Variants in ZNF385D observed in about 807,000 individuals in gnomAD.
ZNF385D encodes the protein zinc finger protein 385D.
Under a neutral mutation model 35.8 loss-of-function variants are expected in ZNF385D, and 15 were observed. The observed-to-expected ratio is 0.42, with a 90% CI of 0.28 to 0.64. The LOEUF (loss-of-function observed/expected upper bound fraction) is 0.64, where lower values mean the gene tolerates loss of function less well. Among genes scored for constraint, ZNF385D ranks in the 30% least tolerant of loss-of-function variants. The pLI is 0.23. For missense variants in ZNF385D, 474 were observed against 494.6 expected, an observed-to-expected ratio of 0.96 and a Z score of 0.39; for synonymous variants, 212 against 186.8, an observed-to-expected ratio of 1.13 and a Z score of -1.10.
intron 4 of ZNF385D, among the ~76,000 whole-genome samples, chr3:21,492,231 T>A (rs2125408572): frequency 6.6e-6 from 1 of 152,222 alleles, no homozygotes; most frequent in African/African-American, 2.4e-5. Flanking sequence ...TCTAAGGTTT[T>A]TAAGTAATGA....
chr3:22,035,168 C>T (rs763041197), intron 3 of ZNF385D, among the ~76,000 whole-genome samples: 2 of 152,128 alleles, frequency 1.3e-5, no homozygotes, highest in African/African-American at 2.4e-5. Flanking sequence ...TGTTAAATCA[C>T]TTGTATCATT....
chr3:21,582,290 A>G (rs974644220), intron 2 of ZNF385D, among the ~76,000 whole-genome samples: 2 of 152,224 alleles, frequency 1.3e-5, no homozygotes, highest in African/African-American at 2.4e-5. Flanking sequence ...CAAGGCAGAA[A>G]TGCATACACA....
chr3:21,788,365 C>G (rs1339527943), intron 3 of ZNF385D, among the ~76,000 whole-genome samples: 1 of 152,044 alleles, frequency 6.6e-6, no homozygotes, highest in Non-Finnish European at 1.5e-5. Context: ...GTAATCCCAG[C>G]TACTTGGGGG....
chr3:21,991,626 A>G (rs1695154692), intron 3 of ZNF385D, among the ~76,000 whole-genome samples: 1 of 152,194 alleles, frequency 6.6e-6, no homozygotes, highest in Non-Finnish European at 1.5e-5. Flanking sequence ...TAATAAGACA[A>G]AGAACTGTAT....
In ZNF385D at chr3:22,138,202, G is replaced by A. The variant is rs1472577336; in HGVS notation, c.325+30615C>T. On this transcript the variant is annotated intron_variant, in intron 3 of 5. Coordinates refer to the ZNF385D transcript ENST00000494108. ...AAATGGAAGAACATTCCATGCTCATGGGTAGGAAGAATCAATATCATGAAA... is the reference window on the plus strand; with the variant it reads ...AAATGGAAGAACATTCCATGCTCATAGGTAGGAAGAATCAATATCATGAAA... 2.6e-5 allele frequency among the ~76,000 whole-genome samples: 4 copies of A among 152,100 alleles called. No homozygotes were observed. The East Asian group carries it at 7.7e-4, about 29-fold the overall frequency.
intron 3 of ZNF385D, among the ~76,000 whole-genome samples, chr3:21,875,333 AATG>A (rs1016851869): frequency 6.6e-6 from 1 of 151,866 alleles, no homozygotes; most frequent in Non-Finnish European, 1.5e-5. Context: ...CATTCCCCTA[AATG>A]TAAATTAGAT....
intron 3 of ZNF385D, among the ~76,000 whole-genome samples, chr3:22,161,127 A>G (rs1405159872): frequency 6.6e-6 from 1 of 152,076 alleles, no homozygotes; most frequent in Non-Finnish European, 1.5e-5. Context: ...TAGAAAACAA[A>G]ATGGCAAATA....
At chr3:22,371,097 G>A (rs1282178983) in intron 2 of ZNF385D, among the ~76,000 whole-genome samples, 1 of 152,244 alleles carries the variant, frequency 6.6e-6, no homozygotes, top group Non-Finnish European at 1.5e-5. Context: ...CGGACATGCT[G>A]TGTTGCATCA....
At chr3:22,157,912 C>A (rs1211143771) in intron 3 of ZNF385D, among the ~76,000 whole-genome samples, 2 of 152,062 alleles carry the variant, frequency 1.3e-5, no homozygotes, top group East Asian at 3.9e-4. Context: ...AAAGTGCCAA[C>A]CTTAACTGGA....
intron 2 of ZNF385D, among the ~76,000 whole-genome samples, chr3:22,265,954 C>A (rs966083132): frequency 4.6e-5 from 7 of 151,852 alleles, no homozygotes; most frequent in Admixed American, 4.6e-4. Context: ...AAACTTGTTT[C>A]TTTTGATTAA....
At chr3:21,495,235 T>C (rs979386183) in intron 4 of ZNF385D, among the ~76,000 whole-genome samples, 1 of 152,240 alleles carries the variant, frequency 6.6e-6, no homozygotes, top group Middle Eastern at 3.4e-3. Context: ...GATTTTTTTT[T>C]TTTCCCACAA....
At chr3:21,438,218 C>T (rs1701671155) in intron 4 of ZNF385D, among the ~76,000 whole-genome samples, 1 of 152,110 alleles carries the variant, frequency 6.6e-6, no homozygotes, top group African/African-American at 2.4e-5. Flanking sequence ...TCCTATCTAC[C>T]CATATACTAC....
intron 3 of ZNF385D, among the ~76,000 whole-genome samples, chr3:21,776,763 A>G (rs2125626150): frequency 6.6e-6 from 1 of 152,064 alleles, no homozygotes; most frequent in Non-Finnish European, 1.5e-5. Context: ...TTTACAAATC[A>G]TAATTACACA....
At chr3:21,713,197 A>G (rs1330815036) in intron 1 of ZNF385D, among the ~76,000 whole-genome samples, 5 of 152,226 alleles carry the variant, frequency 3.3e-5, no homozygotes, top group Non-Finnish European at 7.3e-5. Context: ...CCAACCTCAA[A>G]GGAAGTGCAA....
chr3:21,538,897 C>T (rs191245269), intron 3 of ZNF385D, among the ~76,000 whole-genome samples: 18 of 152,028 alleles, frequency 1.2e-4, no homozygotes, highest in African/African-American at 4.1e-4. Flanking sequence ...CAAATATTGC[C>T]ACTTATGTTG....
intron 2 of ZNF385D, among the ~76,000 whole-genome samples, chr3:22,261,057 ATTAAT>A (rs1216457601): frequency 6.6e-6 from 1 of 151,960 alleles, no homozygotes; most frequent in African/African-American, 2.4e-5. Flanking sequence ...ATGAACTGAA[ATTAAT>A]TTAATCACTG....
intron 2 of ZNF385D, among the ~76,000 whole-genome samples, chr3:21,649,422 C>G (rs148183751): frequency 6.6e-6 from 1 of 152,162 alleles, no homozygotes; most frequent in Non-Finnish European, 1.5e-5. Context: ...AGCAGGATGA[C>G]ATCATGAAAA....
At position 22,110,655 on chromosome 3, in the gene ZNF385D, G is replaced by A. The variant is rs1007915536; in HGVS notation, c.325+58162C>T. On this transcript the variant is annotated intron_variant, in intron 3 of 5. Coordinates refer to the ZNF385D transcript ENST00000494108. ...GCCTGTTGTGGGGTGGGGGGAGTGGGGAGGGACAGCATTTGGAGATACACC... is the reference window on the plus strand; with the variant it reads ...GCCTGTTGTGGGGTGGGGGGAGTGGAGAGGGACAGCATTTGGAGATACACC... Among the ~76,000 whole-genome samples the A allele has an allele frequency of 1.8e-4, 27 of 151,876 alleles. 1 individual carries two copies. Among genetic ancestry groups the A allele is most frequent in the Non-Finnish European group, 3.7e-4 (25 of 67,992 alleles).
intron 2 of ZNF385D, among the ~76,000 whole-genome samples, chr3:22,321,226 C>T (rs1391832057): frequency 3.5e-5 from 4 of 114,754 alleles, no homozygotes; most frequent in East Asian, 2.9e-4. Flanking sequence ...TTACACTTTA[C>T]GACTATCAAC....
Sources: allele counts gnomAD v4.1 joint callset (sites outside exome capture counted in the v4.1 genomes callset), GRCh38; gene constraint gnomAD v4.1.1; transcripts MANE v1.5; gene names NCBI Gene and HGNC (gene_info 2026-07-23, HGNC 2026-07-21).